The following KCNIP1 variants were observed in gnomAD, a reference collection of about 807,000 sequenced individuals.
The protein encoded by KCNIP1 is potassium voltage-gated channel interacting protein 1, also known as A-type potassium channel modulatory protein KCNIP1.
A neutral mutation model predicts 33.0 loss-of-function variants in KCNIP1; 18 were observed. The observed-to-expected ratio is 0.55, with a 90% CI of 0.38 to 0.81. The LOEUF (loss-of-function observed/expected upper bound fraction) is 0.81, where lower values mean the gene tolerates loss of function less well. Among genes scored for constraint, KCNIP1 ranks in the 30% least tolerant of loss-of-function variants. The probability of loss-of-function intolerance (pLI) is 0.00; values close to 1 mark genes in which losing one functional copy is unlikely to be tolerated. For synonymous variants in KCNIP1, 93 were observed against 98.3 expected (o/e 0.95, Z 0.32); for missense variants, 238 against 271.6 (o/e 0.88, Z 0.87).
chr5:170,422,130 G>A (rs868292353), intron 1 of KCNIP1: 1 of 152,226 alleles, frequency 6.6e-6, no homozygotes, highest in Non-Finnish European at 1.5e-5. Context: ...GGAGAATACA[G>A]TCTTCCCAGG....
chr5:170,442,488 AG>A (rs1756016211), intron 1 of KCNIP1, among the ~76,000 whole-genome samples: 1 of 152,114 alleles, frequency 6.6e-6, no homozygotes, highest in Non-Finnish European at 1.5e-5. Flanking sequence ...CCTTCATGTC[AG>A]GTTAAGGAGA....
At chr5:170,522,472 C>T (rs926409760) in intron 1 of KCNIP1, among the ~76,000 whole-genome samples, 6 of 152,208 alleles carry the variant, frequency 3.9e-5, no homozygotes, top group Non-Finnish European at 8.8e-5. Flanking sequence ...TTGCATTTCT[C>T]ATTGTGGTTT....
chr5:170,716,144 G>A (rs1023858451), intron 1 of KCNIP1, among the ~76,000 whole-genome samples: 1 of 152,238 alleles, frequency 6.6e-6, no homozygotes, highest in Non-Finnish European at 1.5e-5. Flanking sequence ...ACTCCTGTGA[G>A]GTTGCCACAG....
intron 1 of KCNIP1, among the ~76,000 whole-genome samples, chr5:170,714,232 C>T (rs993242948): frequency 6.6e-6 from 1 of 152,140 alleles, no homozygotes; most frequent in Admixed American, 6.5e-5. Flanking sequence ...CACACAGCTT[C>T]GTAGGAGCAT....
At chr5:170,652,498 A>AAAAGG (rs33995162) in intron 1 of KCNIP1, among the ~76,000 whole-genome samples, 21 of 103,054 alleles carry the variant, frequency 2.0e-4, no homozygotes, top group East Asian at 6.5e-4. Context: ...AAAAAAAAAA[A>AAAAGG]AAGGAAGGAA....
At chr5:170,681,594 T>C (rs1419581197) in intron 1 of KCNIP1, among the ~76,000 whole-genome samples, 3 of 152,212 alleles carry the variant, frequency 2.0e-5, no homozygotes, top group Non-Finnish European at 2.9e-5. Context: ...TTTAGGAGAT[T>C]ATATGGAGGT....
At chr5:170,441,056 A>G (rs1755976476) in intron 1 of KCNIP1, among the ~76,000 whole-genome samples, 1 of 152,206 alleles carries the variant, frequency 6.6e-6, no homozygotes, top group South Asian at 2.1e-4. Flanking sequence ...CATGGGTAAC[A>G]GGCATGAATT....
chr5:170,696,954 C>A (rs1402079094), intron 1 of KCNIP1, among the ~76,000 whole-genome samples: 1 of 152,144 alleles, frequency 6.6e-6, no homozygotes, highest in Non-Finnish European at 1.5e-5. Flanking sequence ...TGCTCCAGAA[C>A]TTCTGCACAG....
At chr5:170,644,714 C>T (rs1760716342) in intron 1 of KCNIP1, among the ~76,000 whole-genome samples, 1 of 152,246 alleles carries the variant, frequency 6.6e-6, no homozygotes, top group Non-Finnish European at 1.5e-5. Flanking sequence ...GCTGGAAGCC[C>T]AGAGTCCAGT....
chr5:170,629,105 C>T (rs1581418278), intron 1 of KCNIP1, among the ~76,000 whole-genome samples: 1 of 152,234 alleles, frequency 6.6e-6, no homozygotes, highest in South Asian at 2.1e-4. Flanking sequence ...CAGAAAACAT[C>T]TGTTCCCTCC....
In KCNIP1 at chr5:170,439,489, C is replaced by CGG. The variant is rs11431460; in HGVS notation, c.88+85531_88+85532dup. 9.9e-4 allele frequency among the ~76,000 whole-genome samples: 148 copies of CGG among 149,566 alleles called. 1 individual carries two copies. The highest frequency in any genetic ancestry group is 1.4e-3 in the African/African-American group (56 of 40,914). ...CCTGGCACAATGTGGGGGACGGGGG[C>CGG]GGGGGGGTGCGGAGCTTGGCACCAC... is the stretch of plus-strand genomic sequence containing the variant. On this transcript the variant is annotated intron_variant, in intron 1 of 7. Transcript: ENST00000377360.
chr5:170,732,122 A>T (rs1764227125), intron 5 of KCNIP1, among the ~76,000 whole-genome samples: 1 of 152,188 alleles, frequency 6.6e-6, no homozygotes, highest in African/African-American at 2.4e-5. Context: ...AAATAAAATA[A>T]AATAAGCACA....
At chr5:170,515,942 A>G (rs1225846895) in intron 1 of KCNIP1, among the ~76,000 whole-genome samples, 1 of 152,228 alleles carries the variant, frequency 6.6e-6, no homozygotes, top group African/African-American at 2.4e-5. Context: ...TAGGTTAGTG[A>G]AGTTCTAGGC....
chr5:170,674,431 G>A (rs745646210), intron 1 of KCNIP1, among the ~76,000 whole-genome samples: 8 of 152,102 alleles, frequency 5.3e-5, no homozygotes, highest in South Asian at 2.1e-4. Context: ...AATGATTGGC[G>A]CTGACAATCC....
intron 1 of KCNIP1, among the ~76,000 whole-genome samples, chr5:170,676,088 T>C (rs1000320694): frequency 8.2e-6 from 1 of 121,250 alleles, no homozygotes; most frequent in Admixed American, 1.0e-4. Context: ...GGGAGGAAGA[T>C]GAAAGAAGGA....
At chr5:170,429,534 G>A (rs938073571) in intron 1 of KCNIP1, among the ~76,000 whole-genome samples, 16 of 152,238 alleles carry the variant, frequency 1.1e-4, no homozygotes, top group Non-Finnish European at 2.4e-4. Flanking sequence ...TTGTAGTAGT[G>A]AAGTCAGGGC....
intron 1 of KCNIP1, among the ~76,000 whole-genome samples, chr5:170,710,192 T>C (rs1442545105): frequency 6.6e-6 from 1 of 152,224 alleles, no homozygotes; most frequent in Non-Finnish European, 1.5e-5. Context: ...TTCTCTCTTG[T>C]GCATCTGTCT....
chr5:170,587,902 C>T (rs1316966077), intron 1 of KCNIP1, among the ~76,000 whole-genome samples: 1 of 152,252 alleles, frequency 6.6e-6, no homozygotes, highest in African/African-American at 2.4e-5. Context: ...CCACTACAGG[C>T]AGGTGTTGTC....
chr5:170,712,771 G>T, intron 1 of KCNIP1: 1 of 1,309,788 alleles, frequency 7.6e-7, no homozygotes, highest in Non-Finnish European at 1.1e-6. Context: ...CACCCTCAGA[G>T]CGGCCTCTCT....
Sources: gnomAD v4.1 joint callset for allele counts (sites outside exome capture counted in the v4.1 genomes callset) on GRCh38, gnomAD v4.1.1 for gene constraint, MANE v1.5 for transcripts, NCBI Gene and HGNC (gene_info 2026-07-23, HGNC 2026-07-21) for gene names.